AGBL4: variants seen among roughly 807,000 people sequenced by gnomAD.
AGBL4 encodes the protein AGBL carboxypeptidase 4.
Under a neutral mutation model 66.4 loss-of-function variants are expected in AGBL4, and 58 were observed. The ratio of observed to expected loss-of-function variants is 0.87; its 90% CI spans 0.71 to 1.09. The LOEUF is 1.09. Among genes scored for constraint, AGBL4 ranks in the 50% least tolerant of loss-of-function variants. The pLI, the probability that AGBL4 is intolerant of heterozygous loss-of-function variation, is 0.00. For synonymous variants in AGBL4, 234 were observed against 222.9 expected, an observed-to-expected ratio of 1.05 and a Z score of -0.44; for missense variants, 579 against 631.0, an observed-to-expected ratio of 0.92 and a Z score of 0.88.
intron 2 of AGBL4, among the ~76,000 whole-genome samples, chr1:49,746,289 T>C (rs1332634748): frequency 6.6e-6 from 1 of 151,998 alleles, no homozygotes; most frequent in Non-Finnish European, 1.5e-5. Context: ...ACAGATAAAG[T>C]AGAAAGATTT....
the AGBL4 span, among the ~76,000 whole-genome samples, chr1:48,526,119 G>C: frequency 1.3e-5 from 2 of 152,198 alleles, no homozygotes; most frequent in Non-Finnish European, 2.9e-5. Flanking sequence ...CCTAAAGCAA[G>C]ACTCAGGGGA....
At chr1:49,418,823 T>C (rs1248458659) in intron 3 of AGBL4, among the ~76,000 whole-genome samples, 3 of 152,358 alleles carry the variant, frequency 2.0e-5, no homozygotes, top group South Asian at 4.1e-4. Flanking sequence ...GTAGGCCTTG[T>C]AAGGAATTTC....
chr1:48,928,825 G>A (rs888298742), intron 5 of AGBL4, among the ~76,000 whole-genome samples: 3 of 152,172 alleles, frequency 2.0e-5, no homozygotes, highest in African/African-American at 7.2e-5. Flanking sequence ...ATGAAATAAT[G>A]TTGTCTGGTA....
intron 2 of AGBL4, among the ~76,000 whole-genome samples, chr1:49,707,299 T>C (rs1463988984): frequency 1.3e-5 from 2 of 152,108 alleles, no homozygotes; most frequent in South Asian, 2.1e-4. Flanking sequence ...ATGTAATGCA[T>C]TTCTTTATCT....
intron 3 of AGBL4, among the ~76,000 whole-genome samples, chr1:49,342,554 T>C (rs1645561541): frequency 6.6e-6 from 1 of 152,194 alleles, no homozygotes; most frequent in African/African-American, 2.4e-5. Flanking sequence ...ATTTTGCAGT[T>C]CATGTCACAG....
At chr1:48,527,651 A>T in the AGBL4 span, among the ~76,000 whole-genome samples, 1 of 152,060 alleles carries the variant, frequency 6.6e-6, no homozygotes, top group African/African-American at 2.4e-5. Context: ...GCAACCGAGA[A>T]AAGAAAGCAA....
In AGBL4 at chr1:48,736,081, T is replaced by C. The variant is rs1396371449; in HGVS notation, c.635-72840A>G. ...CTGCCCTGGTAAATGTGAGCTCTTC[T>C]GGGGCATTTGGGTTATCCGCTTGGT... On this transcript the variant is annotated intron_variant, in intron 6 of 13. Coordinates refer to ENST00000371839, the MANE Select transcript of AGBL4 (RefSeq NM_032785.4). The surrounding 1 kb of genome is among the most constrained non-coding windows in gnomAD (Gnocchi z 4.0). Among the ~76,000 whole-genome samples, 1 of 152,246 alleles carries C rather than the reference T, an allele frequency of 6.6e-6. No homozygotes were observed. The highest frequency in any genetic ancestry group is 2.4e-5 in the African/African-American group (1 of 41,470).
intron 11 of AGBL4, among the ~76,000 whole-genome samples, chr1:48,573,101 T>C (rs1644595183): frequency 2.0e-5 from 3 of 152,198 alleles, no homozygotes; most frequent in Admixed American, 2.0e-4. Flanking sequence ...CCCCTGCCCC[T>C]TCCCTATTCT....
intron 7 of AGBL4, among the ~76,000 whole-genome samples, chr1:48,660,096 C>T (rs1251803268): frequency 6.6e-6 from 1 of 152,228 alleles, no homozygotes. Context: ...ACAGGAGCTC[C>T]TCTGACCTCT....
At chr1:48,876,832 T>TTGA (rs1185795467) in intron 5 of AGBL4, among the ~76,000 whole-genome samples, 1 of 152,236 alleles carries the variant, frequency 6.6e-6, no homozygotes, top group Admixed American at 6.5e-5. Flanking sequence ...ATAAATTATT[T>TTGA]TGATATGTTT....
intron 4 of AGBL4, among the ~76,000 whole-genome samples, chr1:49,070,539 G>C (rs1022859034): frequency 6.6e-6 from 1 of 151,972 alleles, no homozygotes; most frequent in African/African-American, 2.4e-5. Flanking sequence ...TATGTTTATT[G>C]ATTTGCATAT....
chr1:49,877,559 G>C (rs1384365219), intron 1 of AGBL4, among the ~76,000 whole-genome samples: 1 of 151,924 alleles, frequency 6.6e-6, no homozygotes, highest in African/African-American at 2.4e-5. Context: ...GATTCGGTTT[G>C]CCAGTATTTT....
intron 3 of AGBL4, among the ~76,000 whole-genome samples, chr1:49,524,965 G>A (rs1295639857): frequency 1.3e-5 from 2 of 151,954 alleles, no homozygotes; most frequent in African/African-American, 2.4e-5. Flanking sequence ...AGTGAAATCC[G>A]ATTTGACCCT....
intron 2 of AGBL4, among the ~76,000 whole-genome samples, chr1:49,780,884 A>T (rs1331581165): frequency 6.6e-6 from 1 of 152,204 alleles, no homozygotes; most frequent in Non-Finnish European, 1.5e-5. Context: ...AACATTAAAT[A>T]TGAATGGATT....
intron 1 of AGBL4, among the ~76,000 whole-genome samples, chr1:49,983,316 A>G (rs1203354305): frequency 6.6e-6 from 1 of 152,218 alleles, no homozygotes; most frequent in African/African-American, 2.4e-5. Context: ...TGCATTCTCC[A>G]GTGCCAGACA....
At chr1:49,657,841 T>G (rs1646177243) in intron 3 of AGBL4, among the ~76,000 whole-genome samples, 1 of 152,100 alleles carries the variant, frequency 6.6e-6, no homozygotes, top group South Asian at 2.1e-4. Flanking sequence ...TCCTTATACC[T>G]TATACAAAAA....
At chr1:48,646,502 G>A (rs928755652) in intron 8 of AGBL4, among the ~76,000 whole-genome samples, 1 of 127,382 alleles carries the variant, frequency 7.9e-6, no homozygotes, top group African/African-American at 3.0e-5. Flanking sequence ...GAGGTAGGTA[G>A]ACCAGTTATA....
intron 3 of AGBL4, among the ~76,000 whole-genome samples, chr1:49,556,518 A>T (rs954430062): frequency 5.9e-5 from 1 of 17,036 alleles, no homozygotes; most frequent in Non-Finnish European, 1.3e-4. Flanking sequence ...AAAAAAAATT[A>T]TATATATATA....
intron 4 of AGBL4, among the ~76,000 whole-genome samples, chr1:49,194,102 G>T (rs1647179192): frequency 1.3e-5 from 2 of 152,108 alleles, no homozygotes; most frequent in African/African-American, 2.4e-5. Context: ...GTTTATTGCT[G>T]TTAGTAGGAT....
Sources: allele counts gnomAD v4.1 joint callset (sites outside exome capture counted in the v4.1 genomes callset), GRCh38; gene constraint gnomAD v4.1.1; non-coding constraint Gnocchi (gnomAD v3.1); transcripts MANE v1.5; gene names NCBI Gene and HGNC (gene_info 2026-07-23, HGNC 2026-07-21).